Variants in EPN2 observed in about 807,000 individuals in gnomAD.
The protein encoded by EPN2 is epsin 2.
EPN2 carries 34 observed loss-of-function variants against 61.7 expected under a neutral mutation model. That is an observed-to-expected ratio of 0.55 (90% CI 0.42 to 0.73). The LOEUF is 0.73. Among genes scored for constraint, EPN2 ranks in the 30% least tolerant of loss-of-function variants. The pLI is 0.00. For synonymous variants in EPN2, 349 were observed against 353.6 expected, an observed-to-expected ratio of 0.99 and a Z score of 0.15; for missense variants, 714 against 839.2, an observed-to-expected ratio of 0.85 and a Z score of 1.84.
Position 19,310,004 on chromosome 17 carries a change from G to T in EPN2, c.879+7G>T. 6.2e-7 allele frequency: 1 copy of T among 1,600,058 alleles called. No individual in the cohort carries two copies. ...CAGAGAAGTGGCTGAGCAGGTCAGTGCCCCAGGCAGGTCTGCACTGCATTG... is the reference window on the plus strand; with the variant it reads ...CAGAGAAGTGGCTGAGCAGGTCAGTTCCCCAGGCAGGTCTGCACTGCATTG... On this transcript the variant is annotated splice_region_variant and intron_variant, in intron 5 of 10. Coordinates refer to ENST00000314728, the MANE Select transcript of EPN2 (RefSeq NM_014964.5).
chr17:19,305,265 G>A (rs142444448), intron 4 of EPN2, among the ~76,000 whole-genome samples: 2 of 152,144 alleles, frequency 1.3e-5, no homozygotes, highest in East Asian at 3.9e-4. Context: ...GGGACTACAG[G>A]CACGTGCCAC....
chr17:19,333,112 G>T (rs566898872), intron 10 of EPN2, among the ~76,000 whole-genome samples: 7 of 152,192 alleles, frequency 4.6e-5, no homozygotes, highest in Non-Finnish European at 1.0e-4. Context: ...GGTGGAACTA[G>T]ATTAGTTTCC....
At chr17:19,278,758 C>T (rs565151583) in intron 1 of EPN2, among the ~76,000 whole-genome samples, 2 of 152,218 alleles carry the variant, frequency 1.3e-5, no homozygotes, top group African/African-American at 2.4e-5. Flanking sequence ...AAGCGATTCT[C>T]ATGCCTCAGC....
chr17:19,320,866 C>G (rs1469709066), intron 7 of EPN2, among the ~76,000 whole-genome samples: 1 of 152,174 alleles, frequency 6.6e-6, no homozygotes, highest in African/African-American at 2.4e-5. Flanking sequence ...CTGCAAAGTC[C>G]CTGCCAGCCT....
chr17:19,259,411 C>CA lies in EPN2; in HGVS notation c.-294+21881dup, dbSNP rs1186513316. Among the ~76,000 whole-genome samples, 3 of 146,652 alleles carry CA rather than the reference C, an allele frequency of 2.0e-5. No individual in the cohort carries two copies. The Admixed American group carries it at 2.1e-4, about 10-fold the overall frequency. ...CACTGCAAGCTCCACCTCCCGGGTT[C>CA]ACACCATTTTCCTGCCTCAGCCTCC... is the stretch of plus-strand genomic sequence containing the variant. On this transcript the variant is annotated intron_variant, in intron 1 of 10. Coordinates refer to ENST00000314728, the MANE Select transcript of EPN2 (RefSeq NM_014964.5).
intron 1 of EPN2, among the ~76,000 whole-genome samples, chr17:19,240,038 A>G (rs891556010): frequency 6.6e-6 from 1 of 152,164 alleles, no homozygotes; most frequent in Middle Eastern, 3.4e-3. Context: ...TGTGAACTGA[A>G]GTACTATGAG....
In EPN2 at chr17:19,328,907, A is replaced by C; in HGVS notation, c.1324+20A>C. 1 of 1,592,968 alleles carries C rather than the reference A, an allele frequency of 6.3e-7. No individual in the cohort carries two copies. On this transcript the variant is annotated intron_variant, in intron 8 of 10. Coordinates refer to ENST00000314728, the MANE Select transcript of EPN2 (RefSeq NM_014964.5). ...TCTCTGGTGAGCCCCTCACTCACCC[A>C]CTTTCCTGCCTGGCCTCTGAGCGCC...
chr17:19,312,497 C>T (rs1197480473), intron 6 of EPN2, among the ~76,000 whole-genome samples: 1 of 152,196 alleles, frequency 6.6e-6, no homozygotes, highest in Non-Finnish European at 1.5e-5. Context: ...TGCTGGTTGC[C>T]TCTTCAGCCC....
Position 19,287,252 on chromosome 17 carries a change from C to T in EPN2, c.766+1462C>T, listed in dbSNP as rs563516336. Among the ~76,000 whole-genome samples, 3 of 152,144 alleles carry T rather than the reference C, an allele frequency of 2.0e-5. No homozygotes were observed. The East Asian group carries it at 5.8e-4, about 29-fold the overall frequency. ...CGCTCCCACCACCTGCCCCCTGTTC[C>T]CCCAACCTGGCAAGTTGCTTAAGGT... On this transcript the variant is annotated intron_variant, in intron 4 of 10. Transcript: ENST00000314728.
chr17:19,239,233 C>T (rs1597962254), intron 1 of EPN2, among the ~76,000 whole-genome samples: 2 of 152,214 alleles, frequency 1.3e-5, no homozygotes, highest in African/African-American at 4.8e-5. Flanking sequence ...CCGAAACCTC[C>T]GCCTCCTGGG....
At chr17:19,298,180 A>T (rs1197385441) in intron 4 of EPN2, among the ~76,000 whole-genome samples, 1 of 151,688 alleles carries the variant, frequency 6.6e-6, no homozygotes, top group Non-Finnish European at 1.5e-5. Context: ...AGCCTCATTT[A>T]TGTATTTTTA....
intron 1 of EPN2, among the ~76,000 whole-genome samples, chr17:19,245,227 G>T (rs1180742872): frequency 1.3e-5 from 2 of 152,304 alleles, no homozygotes; most frequent in East Asian, 3.9e-4. Flanking sequence ...GGAAGTCTGT[G>T]TGGGCTAGTA....
intron 4 of EPN2, among the ~76,000 whole-genome samples, chr17:19,294,358 T>C (rs1227161276): frequency 6.6e-6 from 1 of 152,184 alleles, no homozygotes; most frequent in Non-Finnish European, 1.5e-5. Flanking sequence ...AAGTCCAGGC[T>C]GCAGTGAACC....
intron 7 of EPN2, among the ~76,000 whole-genome samples, chr17:19,322,568 C>G (rs1487737876): frequency 8.2e-6 from 1 of 122,582 alleles, no homozygotes; most frequent in Non-Finnish European, 1.7e-5. Context: ...TAGGGAGACC[C>G]CATCTTTACA....
chr17:19,267,645 C>T (rs934368818), intron 1 of EPN2, among the ~76,000 whole-genome samples: 5 of 151,734 alleles, frequency 3.3e-5, no homozygotes, highest in Admixed American at 6.6e-5. Context: ...CGGGTTCAAG[C>T]GATTCTCCTG....
intron 5 of EPN2, among the ~76,000 whole-genome samples, chr17:19,310,791 T>C (rs1378226427): frequency 2.0e-5 from 3 of 152,056 alleles, no homozygotes; most frequent in Non-Finnish European, 4.4e-5. Context: ...TTGGTCGGGC[T>C]GGTCTCAAAC....
rs768946604 is a variant in EPN2, at chr17:19,312,048, A to T, written c.880-4A>T. On this transcript the variant is annotated splice_region_variant and splice_polypyrimidine_tract_variant and intron_variant, in intron 5 of 10. Transcript: ENST00000314728. ...AATTACCAGTTTGCATTGTCCCTCT[A>T]CAGGAAGAACGCCTCAGGCGGGGTG... 6.2e-7 allele frequency: 1 copy of T among 1,607,924 alleles called. No homozygotes were observed. The highest frequency in any genetic ancestry group is 8.5e-7 in the Non-Finnish European group (1 of 1,174,344).
At chr17:19,280,040 T>C (rs1308898075) in intron 1 of EPN2, 2 of 152,166 alleles carry the variant, frequency 1.3e-5, no homozygotes, top group Non-Finnish European at 2.9e-5. Flanking sequence ...GGTTTTGCCA[T>C]GTTGCCCAGG....
intron 4 of EPN2, among the ~76,000 whole-genome samples, chr17:19,309,422 C>G (rs549464514): frequency 7.2e-4 from 110 of 152,360 alleles, no homozygotes; most frequent in Non-Finnish European, 1.2e-3. Flanking sequence ...AGCCACCGCG[C>G]CTGGCCTCAA....
Sources: allele counts gnomAD v4.1 joint callset (sites outside exome capture counted in the v4.1 genomes callset), GRCh38; gene constraint gnomAD v4.1.1; transcripts MANE v1.5; gene names NCBI Gene and HGNC (gene_info 2026-07-23, HGNC 2026-07-21).